Variants in TMEM266 observed in about 807,000 individuals in gnomAD.
The protein encoded by TMEM266 is Hv1 related protein 1.
TMEM266 carries 33 observed loss-of-function variants against 50.5 expected under a neutral mutation model. The observed-to-expected ratio is 0.65, with a 90% CI of 0.50 to 0.87. TMEM266 has a LOEUF of 0.87. Among genes scored for constraint, TMEM266 ranks in the 40% least tolerant of loss-of-function variants. TMEM266 has a pLI of 0.00. For synonymous variants in TMEM266, 310 were observed against 292.3 expected (o/e 1.06, Z -0.62); for missense variants, 655 against 695.1 (o/e 0.94, Z 0.65).
intron 1 of TMEM266, among the ~76,000 whole-genome samples, chr15:76,099,540 C>G (rs1243580683): frequency 1.3e-5 from 2 of 152,170 alleles, no homozygotes; most frequent in East Asian, 3.9e-4. Flanking sequence ...GCCAACAATC[C>G]CAGGTGCTAT....
chr15:76,114,392 C>T (rs992013576), intron 1 of TMEM266, among the ~76,000 whole-genome samples: 10 of 151,978 alleles, frequency 6.6e-5, no homozygotes, highest in African/African-American at 1.4e-4. Context: ...TTGTGGTACA[C>T]GCCTGAGGTT....
At chr15:76,191,054 C>T (rs917436024) in intron 8 of TMEM266, among the ~76,000 whole-genome samples, 5 of 152,208 alleles carry the variant, frequency 3.3e-5, no homozygotes, top group African/African-American at 9.7e-5. Flanking sequence ...GCCATCTCAC[C>T]CACAAACCCA....
chr15:76,083,232 TC>T (rs1390395553), intron 1 of TMEM266, among the ~76,000 whole-genome samples: 9 of 146,822 alleles, frequency 6.1e-5, no homozygotes, highest in Non-Finnish European at 1.3e-4. Flanking sequence ...GTGCTGATAC[TC>T]TTTTTTTTTT....
chr15:76,172,886 G>A (rs965355145), intron 7 of TMEM266, among the ~76,000 whole-genome samples: 10 of 152,120 alleles, frequency 6.6e-5, no homozygotes, highest in Non-Finnish European at 1.2e-4. Context: ...CAGGATCAGC[G>A]CCTTCTGGGT....
At chr15:76,069,174 T>G (rs758756045) in intron 1 of TMEM266, among the ~76,000 whole-genome samples, 2 of 152,210 alleles carry the variant, frequency 1.3e-5, no homozygotes, top group Non-Finnish European at 2.9e-5. Context: ...GAACTCAGAT[T>G]CGGCCTAGTT....
intron 3 of TMEM266, among the ~76,000 whole-genome samples, chr15:76,145,927 CATCCCACTCAAT>C (rs1196828910): frequency 1.8e-4 from 27 of 152,352 alleles, no homozygotes; most frequent in Admixed American, 5.2e-4. Flanking sequence ...TATCAGATGT[CATCCCACTCAAT>C]GGTGGAAAAG....
intron 7 of TMEM266, 61 bp from the exon 8 acceptor site, chr15:76,175,498 C>T (rs1285391956): frequency 1.5e-6 from 2 of 1,355,552 alleles, no homozygotes; most frequent in Non-Finnish European, 2.1e-6. Context: ...CTGGGCCCGC[C>T]CTTCCCTAGT....
At chr15:76,191,490 TTC>T in intron 8 of TMEM266, 1 of 153,008 alleles carries the variant, frequency 6.5e-6, no homozygotes. Flanking sequence ...CGAGCCAGTG[TTC>T]AGACCAGCGG....
chr15:76,123,286 C>G (rs769568831), intron 1 of TMEM266, among the ~76,000 whole-genome samples: 11 of 152,128 alleles, frequency 7.2e-5, no homozygotes, highest in Admixed American at 1.3e-4. Flanking sequence ...CAAGGAGGAC[C>G]AGCATCTGTT....
chr15:76,084,105 G>T (rs2036736098), intron 1 of TMEM266, among the ~76,000 whole-genome samples: 1 of 152,114 alleles, frequency 6.6e-6, no homozygotes, highest in Non-Finnish European at 1.5e-5. Flanking sequence ...CAGAGCCCAG[G>T]AGTTCAAGAC....
At chr15:76,080,124 T>A (rs2036665128) in intron 1 of TMEM266, among the ~76,000 whole-genome samples, 2 of 150,722 alleles carry the variant, frequency 1.3e-5, no homozygotes, top group African/African-American at 2.4e-5. Flanking sequence ...CCCAGCACTT[T>A]GGGAGGCCAA....
intron 1 of TMEM266, among the ~76,000 whole-genome samples, chr15:76,078,144 G>T (rs1002410616): frequency 6.6e-6 from 1 of 152,000 alleles, no homozygotes; most frequent in Non-Finnish European, 1.5e-5. Flanking sequence ...ACTCTGTCAG[G>T]CCTGAACTTT....
intron 8 of TMEM266, among the ~76,000 whole-genome samples, chr15:76,177,956 G>T (rs2038319657): frequency 6.6e-6 from 1 of 152,256 alleles, no homozygotes; most frequent in South Asian, 2.1e-4. Flanking sequence ...GCTTTCCAGA[G>T]GAGCTGATGT....
At chr15:76,065,218 T>C (rs1196617112) in intron 1 of TMEM266, among the ~76,000 whole-genome samples, 1 of 152,008 alleles carries the variant, frequency 6.6e-6, no homozygotes, top group Non-Finnish European at 1.5e-5. Context: ...AGCTTGGAAA[T>C]TTCTCTCCCA....
rs2038131734 is a variant in TMEM266 at position 76,168,455 on chromosome 15, A to G, written c.457-1361A>G. Among the ~76,000 whole-genome samples, 1 of 152,236 alleles carries G rather than the reference A, an allele frequency of 6.6e-6. No individual in the cohort carries two copies. The highest frequency in any genetic ancestry group is 1.5e-5 in the Non-Finnish European group (1 of 68,044). On this transcript the variant is annotated intron_variant, in intron 5 of 10. Transcript: ENST00000388942. This position sits in a 1 kb window ranked among gnomAD's most constrained non-coding sequence, Gnocchi z 4.4. ...AGAAGGCTAGGCTTGTACTACAGGC[A>G]TGCGGGAGAGGGGCACCATCTGGTG...
At position 76,156,785 on chromosome 15, in the gene TMEM266, C is replaced by T. The variant is rs780417917; in HGVS notation, c.382+27C>T. Reference sequence around the variant, plus strand: ...TGAGTAGCAAGAGAGATACATATGCCAATACATATGATGTCAATATTCAAT... The same window carrying T: ...TGAGTAGCAAGAGAGATACATATGCTAATACATATGATGTCAATATTCAAT... On this transcript the variant is annotated intron_variant, in intron 4 of 10. Transcript: ENST00000388942. 5 of 1,603,368 alleles carry T rather than the reference C, an allele frequency of 3.1e-6. No individual in the cohort carries two copies. The Admixed American group carries it at 5.0e-5, about 16-fold the overall frequency.
chr15:76,114,520 A>G (rs2037218332), intron 1 of TMEM266, among the ~76,000 whole-genome samples: 1 of 152,218 alleles, frequency 6.6e-6, no homozygotes, highest in African/African-American at 2.4e-5. Flanking sequence ...CCTGTCTCAA[A>G]AACAAAAACA....
chr15:76,179,639 C>A (rs959500810), intron 8 of TMEM266, among the ~76,000 whole-genome samples: 1 of 152,214 alleles, frequency 6.6e-6, no homozygotes, highest in African/African-American at 2.4e-5. Context: ...CAGCCCCCAA[C>A]CCCGTTCCAG....
chr15:76,099,409 C>A (rs2036966552), intron 1 of TMEM266, among the ~76,000 whole-genome samples: 1 of 152,244 alleles, frequency 6.6e-6, no homozygotes, highest in South Asian at 2.1e-4. Flanking sequence ...GTTGCACCCA[C>A]TGTCCAACGA....
Sources: gnomAD v4.1 joint callset for allele counts (sites outside exome capture counted in the v4.1 genomes callset) on GRCh38, gnomAD v4.1.1 for gene constraint, Gnocchi (gnomAD v3.1) non-coding constraint, MANE v1.5 for transcripts, NCBI Gene and HGNC (gene_info 2026-07-23, HGNC 2026-07-21) for gene names.